SOD2: variants seen among roughly 807,000 people sequenced by gnomAD.
The protein encoded by SOD2 is superoxide dismutase [Mn], mitochondrial.
Under a neutral mutation model 27.0 loss-of-function variants are expected in SOD2, and 11 were observed. The ratio of observed to expected loss-of-function variants is 0.41; its 90% CI spans 0.26 to 0.67. The LOEUF (loss-of-function observed/expected upper bound fraction) is 0.67. Among genes scored for constraint, SOD2 ranks in the 30% least tolerant of loss-of-function variants. The pLI is 0.34. For synonymous variants in SOD2, 105 were observed against 103.0 expected (o/e 1.02, Z -0.12); for missense variants, 250 against 274.5 (o/e 0.91, Z 0.63).
chr6:159,719,364 T>C (rs373700150), intron 1 of SOD2, among the ~76,000 whole-genome samples: 79 of 152,106 alleles, frequency 5.2e-4, no homozygotes, highest in African/African-American at 1.8e-3. Context: ...CTTTACTATG[T>C]CTCTACTCAT....
chr6:159,693,328 G>GGGGCCCCCCCCCCCCC (rs1777334279), upstream of SOD2: 1 of 195,776 alleles, frequency 5.1e-6, no homozygotes, highest in Admixed American at 8.8e-5. Flanking sequence ...CCGCCGCCCC[G>GGGGCCCCCCCCCCCCC]CCCCCCCCCC....
chr6:159,759,525 C>A (rs1157560924), intron 1 of SOD2, among the ~76,000 whole-genome samples: 2 of 151,718 alleles, frequency 1.3e-5, no homozygotes, highest in Non-Finnish European at 2.9e-5. Flanking sequence ...TAAAAATTAG[C>A]TGGGCATGAT....
chr6:159,757,154 GA>G (rs1428723096), intron 1 of SOD2, among the ~76,000 whole-genome samples: 1 of 152,164 alleles, frequency 6.6e-6, no homozygotes, highest in Non-Finnish European at 1.5e-5. Flanking sequence ...GTATGATATT[GA>G]ATGGCCTTCA....
intron 1 of SOD2, chr6:159,713,421 A>G (rs1012679326): frequency 7.7e-6 from 5 of 652,506 alleles, no homozygotes; most frequent in African/African-American, 1.8e-5. Context: ...CATAGTAGGT[A>G]TGAACTTCAG....
At chr6:159,741,927 G>A in intron 1 of SOD2, 1 of 550,748 alleles carries the variant, frequency 1.8e-6, no homozygotes, top group Non-Finnish European at 3.2e-6. Context: ...ACTCCAGCCT[G>A]GGGGACAGAG....
intron 1 of SOD2, chr6:159,736,258 G>A (rs1414072755): frequency 1.3e-6 from 2 of 1,595,408 alleles, no homozygotes; most frequent in Non-Finnish European, 1.7e-6. Flanking sequence ...TTTTTTTTAG[G>A]ATTCAAGATG....
upstream of SOD2, chr6:159,748,147 G>A (rs762933289): frequency 2.5e-6 from 4 of 1,570,508 alleles, no homozygotes; most frequent in Non-Finnish European, 3.5e-6. This position sits in a 1 kb window ranked among gnomAD's most constrained non-coding sequence, Gnocchi z 5.6. Flanking sequence ...TCTTATGTAT[G>A]TTTCCTTTGA....
chr6:159,701,235 T>C (rs983601015), intron 1 of SOD2, among the ~76,000 whole-genome samples: 7 of 152,146 alleles, frequency 4.6e-5, no homozygotes, highest in African/African-American at 1.7e-4. Context: ...TGCCAACATC[T>C]TTCTCCCTCT....
At chr6:159,755,038 C>T in intron 1 of SOD2, 1 of 1,611,746 alleles carries the variant, frequency 6.2e-7, no homozygotes, top group Admixed American at 1.7e-5. Context: ...AACTGAATGA[C>T]TTCATCATCC....
chr6:159,731,903 A>T (rs183112165), upstream of SOD2, among the ~76,000 whole-genome samples: 151 of 152,304 alleles, frequency 9.9e-4, no homozygotes, highest in Non-Finnish European at 1.9e-3. Context: ...ACAGATTATC[A>T]TCTCATTTTT....
chr6:159,730,457 G>T (rs922767431), upstream of SOD2, among the ~76,000 whole-genome samples: 4 of 151,898 alleles, frequency 2.6e-5, no homozygotes, highest in African/African-American at 9.7e-5. Context: ...AAAAAAAATT[G>T]CCCTGGGGAA....
At chr6:159,702,334 T>C (rs1296222011) in intron 1 of SOD2, among the ~76,000 whole-genome samples, 2 of 150,328 alleles carry the variant, frequency 1.3e-5, no homozygotes, top group Admixed American at 6.6e-5. Flanking sequence ...TCTCACTCTA[T>C]CACCCAGGCT....
chr6:159,728,323 GT>G (rs1202346144), upstream of SOD2, among the ~76,000 whole-genome samples: 1 of 152,032 alleles, frequency 6.6e-6, no homozygotes, highest in Non-Finnish European at 1.5e-5. Context: ...AAAAGCCCGA[GT>G]TCTTGTTTTG....
upstream of SOD2, among the ~76,000 whole-genome samples, chr6:159,729,792 T>C: frequency 6.6e-6 from 1 of 152,362 alleles, no homozygotes; most frequent in African/African-American, 2.4e-5. Flanking sequence ...TACATTCAGC[T>C]ATGATTTGTT....
chr6:159,710,960 GACCTCCATAACC>G (rs1296608068), intron 1 of SOD2, among the ~76,000 whole-genome samples: 2 of 120,562 alleles, frequency 1.7e-5, no homozygotes, highest in Non-Finnish European at 1.8e-5. Flanking sequence ...ACACTGCTCT[GACCTCCATAACC>G]ACCTCCATAA....
At chr6:159,750,490 T>G (rs1779778561) in intron 1 of SOD2, among the ~76,000 whole-genome samples, 1 of 152,238 alleles carries the variant, frequency 6.6e-6, no homozygotes, top group Non-Finnish European at 1.5e-5. Context: ...CCTCATTCTC[T>G]TCTCCAAGAG....
At chr6:159,692,984 C>T in intron 1 of SOD2, 121 bp from the exon 2 acceptor site, 1 of 1,347,766 alleles carries the variant, frequency 7.4e-7, no homozygotes. Flanking sequence ...CCCTGCGGAT[C>T]CCCGCTCCAG....
At chr6:159,727,662 C>G, upstream of SOD2, 1 of 985,384 alleles carries the variant, frequency 1.0e-6, no homozygotes, top group Non-Finnish European at 1.2e-6. Context: ...GCGGCCTCGG[C>G]CTATGCGACC....
intron 1 of SOD2, among the ~76,000 whole-genome samples, chr6:159,740,935 C>T (rs1252051278): frequency 6.6e-6 from 1 of 151,992 alleles, no homozygotes; most frequent in Non-Finnish European, 1.5e-5. Flanking sequence ...ATTTCTTGAC[C>T]TCATGATCTG....
Sources: allele counts gnomAD v4.1 joint callset (sites outside exome capture counted in the v4.1 genomes callset), GRCh38; gene constraint gnomAD v4.1.1; non-coding constraint Gnocchi (gnomAD v3.1); transcripts MANE v1.5; gene names NCBI Gene and HGNC (gene_info 2026-07-23, HGNC 2026-07-21).